LRMDA: variants seen among roughly 807,000 people sequenced by gnomAD.
LRMDA encodes the protein leucine-rich melanocyte differentiation-associated protein.
In LRMDA, 18 loss-of-function variants were observed where a neutral mutation model predicts 29.8. The ratio of observed to expected loss-of-function variants is 0.60; its 90% CI spans 0.42 to 0.90. The LOEUF is 0.90. Ranked by LOEUF, LRMDA falls within the 40% of genes least tolerant of loss-of-function variation. The pLI is 0.00. For synonymous variants in LRMDA, 125 were observed against 109.4 expected (o/e 1.14, Z -0.89); for missense variants, 273 against 273.9 (o/e 1.00, Z 0.02).
chr10:76,043,443 A>G lies in LRMDA; in HGVS notation c.259-3721A>G, dbSNP rs147441486. On this transcript the variant is annotated intron_variant, in intron 3 of 6. Transcript: ENST00000611255. ...AATGTACCCTTAGGTGGGGATTCCC[A>G]TAGACATTCCCATTGTTACTCAGCT... is the stretch of plus-strand genomic sequence containing the variant. Among the ~76,000 whole-genome samples the G allele has an allele frequency of 9.8e-5, 15 of 152,290 alleles. No homozygotes were observed. The East Asian group carries it at 2.7e-3, about 27-fold the overall frequency.
intron 6 of LRMDA, among the ~76,000 whole-genome samples, chr10:76,533,973 G>A (rs1843264541): frequency 6.6e-6 from 1 of 152,184 alleles, no homozygotes; most frequent in South Asian, 2.1e-4. Context: ...TTCTCATGAA[G>A]CTTGGAATCT....
chr10:76,257,515 G>A (rs1429810251), intron 5 of LRMDA, among the ~76,000 whole-genome samples: 1 of 151,882 alleles, frequency 6.6e-6, no homozygotes, highest in African/African-American at 2.4e-5. Context: ...TGTATTTTTA[G>A]TAGAGACGGA....
chr10:76,371,126 G>C (rs1193867297), intron 6 of LRMDA, among the ~76,000 whole-genome samples: 1 of 152,170 alleles, frequency 6.6e-6, no homozygotes, highest in Non-Finnish European at 1.5e-5. Context: ...TCGTGTCATT[G>C]CCTGAGCTTT....
chr10:76,521,554 T>G (rs1843121502), intron 6 of LRMDA, among the ~76,000 whole-genome samples: 1 of 152,222 alleles, frequency 6.6e-6, no homozygotes, highest in Non-Finnish European at 1.5e-5. Context: ...AAATCTTTGT[T>G]GTGTAGCTTT....
At chr10:75,985,036 C>G (rs1054736844) in intron 2 of LRMDA, among the ~76,000 whole-genome samples, 3 of 152,102 alleles carry the variant, frequency 2.0e-5, no homozygotes, top group Non-Finnish European at 4.4e-5. Context: ...CTCCTTGTCT[C>G]CCAGATGAGG....
At chr10:76,191,690 ACTGT>A (rs757190725) in intron 5 of LRMDA, among the ~76,000 whole-genome samples, 7 of 152,180 alleles carry the variant, frequency 4.6e-5, no homozygotes, top group Non-Finnish European at 1.0e-4. Context: ...TTAGTGACAG[ACTGT>A]CTGCAGTTTG....
chr10:76,303,716 T>C (rs1840512499), intron 5 of LRMDA, among the ~76,000 whole-genome samples: 1 of 82,688 alleles, frequency 1.2e-5, no homozygotes, highest in South Asian at 4.4e-4. Flanking sequence ...TTGCCACTCT[T>C]TTTTTTTTTT....
Position 75,754,080 on chromosome 10 carries a change from A to G in LRMDA, c.132-281928A>G, listed in dbSNP as rs145261606. On this transcript the variant is annotated intron_variant, in intron 2 of 6. Transcript: ENST00000611255. ...TTGTGCCTGGATTTTATTCTTCTGT[A>G]TATGCACATTCCTGCTTCCAGCCAG... Among the ~76,000 whole-genome samples the G allele has an allele frequency of 2.4e-3, 365 of 152,302 alleles. 2 individuals are homozygous for G. Among genetic ancestry groups the G allele is most frequent in the African/African-American group, 8.4e-3 (351 of 41,556 alleles).
intron 5 of LRMDA, among the ~76,000 whole-genome samples, chr10:76,175,289 C>T (rs1050736303): frequency 1.3e-5 from 2 of 152,138 alleles, no homozygotes; most frequent in Non-Finnish European, 2.9e-5. Flanking sequence ...TGGATTCGAA[C>T]ACCAGCTCTG....
chr10:75,979,722 C>G (rs1847132653), intron 2 of LRMDA, among the ~76,000 whole-genome samples: 1 of 152,068 alleles, frequency 6.6e-6, no homozygotes, highest in African/African-American at 2.4e-5. Flanking sequence ...ATTTCCCCTC[C>G]TCCCCATGTT....
rs568216919 is a variant in LRMDA, at chr10:76,531,568, T to C, written c.602-25641T>C. Among the ~76,000 whole-genome samples the C allele has an allele frequency of 3.3e-5, 5 of 152,310 alleles. No individual in the cohort carries two copies. In the South Asian group the frequency reaches 1.0e-3, roughly 32 times the overall value. Reference sequence around the variant, plus strand: ...AATGATTTTATTTTTTTAAATTGGTTGATATAAATATATCAGTTATATTTA... The same window carrying C: ...AATGATTTTATTTTTTTAAATTGGTCGATATAAATATATCAGTTATATTTA... On this transcript the variant is annotated intron_variant, in intron 6 of 6. Transcript: ENST00000611255.
At chr10:76,540,198 A>T (rs547912543) in intron 6 of LRMDA, among the ~76,000 whole-genome samples, 1 of 150,616 alleles carries the variant, frequency 6.6e-6, no homozygotes, top group Non-Finnish European at 1.5e-5. Context: ...GTGCCTGCAC[A>T]CATGTGCACA....
chr10:76,232,783 G>C (rs1377963193), intron 5 of LRMDA, among the ~76,000 whole-genome samples: 2 of 152,220 alleles, frequency 1.3e-5, no homozygotes, highest in African/African-American at 4.8e-5. Flanking sequence ...ACAGCTTTCA[G>C]TGGAGAGGGG....
intron 2 of LRMDA, among the ~76,000 whole-genome samples, chr10:75,665,102 G>T (rs1187763983): frequency 6.6e-6 from 1 of 152,160 alleles, no homozygotes; most frequent in Non-Finnish European, 1.5e-5. Flanking sequence ...AATAATTTTT[G>T]CACTGGAGTT....
intron 2 of LRMDA, among the ~76,000 whole-genome samples, chr10:75,649,942 T>C (rs1402542214): frequency 1.3e-5 from 2 of 152,246 alleles, no homozygotes; most frequent in African/African-American, 4.8e-5. Context: ...TCTATTCAAG[T>C]CCTTTGCCCA....
At chr10:76,037,035 G>A (rs539361775) in intron 3 of LRMDA, among the ~76,000 whole-genome samples, 1 of 152,298 alleles carries the variant, frequency 6.6e-6, no homozygotes, top group African/African-American at 2.4e-5. Context: ...AGCACTCCTA[G>A]GAATGAGGCA....
chr10:76,267,837 C>T (rs1840024640), intron 5 of LRMDA, among the ~76,000 whole-genome samples: 1 of 151,974 alleles, frequency 6.6e-6, no homozygotes, highest in African/African-American at 2.4e-5. Context: ...ATCTATTGAC[C>T]CTTGTATTAT....
intron 2 of LRMDA, among the ~76,000 whole-genome samples, chr10:75,971,319 A>G (rs1318496298): frequency 6.6e-6 from 1 of 152,096 alleles, no homozygotes; most frequent in Non-Finnish European, 1.5e-5. Flanking sequence ...CAGCAGGAAA[A>G]CAGGGTGATT....
intron 5 of LRMDA, among the ~76,000 whole-genome samples, chr10:76,199,657 C>G (rs1377953603): frequency 6.6e-6 from 1 of 152,142 alleles, no homozygotes; most frequent in Non-Finnish European, 1.5e-5. Flanking sequence ...ACAATAGTCA[C>G]AGGCACTGAG....
Sources: gnomAD v4.1 joint callset for allele counts (sites outside exome capture counted in the v4.1 genomes callset) on GRCh38, gnomAD v4.1.1 for gene constraint, MANE v1.5 for transcripts, NCBI Gene and HGNC (gene_info 2026-07-23, HGNC 2026-07-21) for gene names.